ZNF704: variants seen among roughly 807,000 people sequenced by gnomAD.
ZNF704 encodes glucocorticoid induced gene 1.
A neutral mutation model predicts 44.7 loss-of-function variants in ZNF704; 10 were observed. The ratio of observed to expected loss-of-function variants is 0.22; its 90% CI spans 0.14 to 0.38. The LOEUF is 0.38. Among genes scored for constraint, ZNF704 ranks in the 10% least tolerant of loss-of-function variants. The probability of loss-of-function intolerance (pLI) is 1.00; values close to 1 mark genes in which losing one functional copy is unlikely to be tolerated. For synonymous variants in ZNF704, 211 were observed against 207.6 expected, an observed-to-expected ratio of 1.02 and a Z score of -0.14; for missense variants, 390 against 545.5, an observed-to-expected ratio of 0.71 and a Z score of 2.84.
chr8:80,827,681 G>A (rs761687098), intron 1 of ZNF704, among the ~76,000 whole-genome samples: 1 of 152,154 alleles, frequency 6.6e-6, no homozygotes, highest in Admixed American at 6.5e-5. Flanking sequence ...ATACTACAAG[G>A]CTACAGTAAC....
At chr8:80,715,762 T>C (rs1353358976) in intron 2 of ZNF704, among the ~76,000 whole-genome samples, 1 of 152,122 alleles carries the variant, frequency 6.6e-6, no homozygotes, top group Non-Finnish European at 1.5e-5. Context: ...TCCAGGAGAC[T>C]CTAATACAAA....
chr8:80,825,602 C>G (rs958548162), intron 1 of ZNF704, among the ~76,000 whole-genome samples: 2 of 152,172 alleles, frequency 1.3e-5, no homozygotes, highest in Non-Finnish European at 2.9e-5. Context: ...GAACTCTCCA[C>G]CCCAAATCAA....
At chr8:80,749,736 G>T (rs1277179619) in intron 2 of ZNF704, 2 of 152,744 alleles carry the variant, frequency 1.3e-5, no homozygotes, top group Non-Finnish European at 2.9e-5. Context: ...AAAACCCAGG[G>T]CTTGGCCCAT....
chr8:80,828,657 A>G (rs1808419621), intron 1 of ZNF704, among the ~76,000 whole-genome samples: 1 of 152,232 alleles, frequency 6.6e-6, no homozygotes, highest in African/African-American at 2.4e-5. Context: ...CTTTAATCAA[A>G]TAGATTTAGA....
Position 80,641,327 on chromosome 8 carries a change from AGCG to A in ZNF704, c.*36_*38del. On this transcript the variant is annotated 3_prime_UTR_variant, in exon 9 of 9. Transcript: ENST00000327835. ...ACCTGCAGTGGCAGGCCAGGGCAGG[AGCG>A]GCTCAGGGCCCTGAGCCCCTCTGCC... is the stretch of plus-strand genomic sequence containing the variant. The A allele has an allele frequency of 1.5e-6, 2 of 1,371,448 alleles. No individual in the cohort carries two copies. The highest frequency in any genetic ancestry group is 2.0e-6 in the Non-Finnish European group (2 of 1,005,072). 85.0% of individuals were successfully genotyped at this position (1,371,448 alleles called of 1,614,324 possible).
intron 2 of ZNF704, 78 bp downstream of exon 2, chr8:80,821,295 TC>T: frequency 7.2e-7 from 1 of 1,395,552 alleles, no homozygotes; most frequent in Non-Finnish European, 1.0e-6. Flanking sequence ...CTGAAGAGAG[TC>T]TGTACACTGG....
At chr8:80,784,922 A>C (rs893907854) in intron 2 of ZNF704, among the ~76,000 whole-genome samples, 2 of 152,080 alleles carry the variant, frequency 1.3e-5, no homozygotes, top group Admixed American at 6.5e-5. Context: ...GATAGTGTGG[A>C]GTTCCCATAC....
chr8:80,780,416 G>A (rs562743370), intron 2 of ZNF704, among the ~76,000 whole-genome samples: 10 of 152,276 alleles, frequency 6.6e-5, no homozygotes, highest in African/African-American at 2.4e-4. Context: ...GGCTGTTGGG[G>A]GAAGAGGAGA....
chr8:80,699,701 A>G (rs1239023125), intron 2 of ZNF704, among the ~76,000 whole-genome samples: 5 of 152,186 alleles, frequency 3.3e-5, no homozygotes, highest in African/African-American at 9.7e-5. Context: ...GCACTGGCCC[A>G]TGGTCCACAC....
chr8:80,727,762 A>G (rs547835795), intron 2 of ZNF704, among the ~76,000 whole-genome samples: 1 of 152,276 alleles, frequency 6.6e-6, no homozygotes, highest in South Asian at 2.1e-4. Flanking sequence ...AGCCCACTGC[A>G]GCAGGAGAGC....
chr8:80,827,511 G>C (rs1356776338), intron 1 of ZNF704, among the ~76,000 whole-genome samples: 1 of 152,142 alleles, frequency 6.6e-6, no homozygotes, highest in African/African-American at 2.4e-5. Context: ...GTAATTTATA[G>C]ATTCAATGCC....
At chr8:80,738,459 G>A (rs976263724) in intron 2 of ZNF704, among the ~76,000 whole-genome samples, 1 of 151,940 alleles carries the variant, frequency 6.6e-6, no homozygotes, top group Non-Finnish European at 1.5e-5. Flanking sequence ...AAGGACTATC[G>A]TTGTTCCTAC....
chr8:80,842,006 A>G (rs1312710129), intron 1 of ZNF704, among the ~76,000 whole-genome samples: 1 of 152,106 alleles, frequency 6.6e-6, no homozygotes, highest in Non-Finnish European at 1.5e-5. Context: ...TTTGTCGCCC[A>G]GGTTGGTCTT....
Position 80,874,592 on chromosome 8 carries a change from C to T in ZNF704, c.-43G>A, listed in dbSNP as rs1809332142. 1 of 151,998 alleles carries T rather than the reference C, an allele frequency of 6.6e-6. No homozygotes were observed. Among genetic ancestry groups the T allele is most frequent in the South Asian group, 2.1e-4 (1 of 4,814 alleles). 9.4% of individuals were successfully genotyped at this position (151,998 alleles called of 1,614,324 possible). ...TTACCCACAGTCTCCGAAAGTCTGG[C>T]GCTTCGAAGCAGTTGGCCCTGACAC... On this transcript the variant is annotated 5_prime_UTR_variant, in exon 1 of 9. Transcript: ENST00000327835. This position sits in a 1 kb window ranked among gnomAD's most constrained non-coding sequence, Gnocchi z 4.4.
At chr8:80,649,647 G>T (rs1477961326) in intron 7 of ZNF704, among the ~76,000 whole-genome samples, 1 of 152,230 alleles carries the variant, frequency 6.6e-6, no homozygotes. Context: ...GGCTTGAGTA[G>T]GTAAACAAAG....
At chr8:80,687,043 T>C (rs2131631220) in intron 4 of ZNF704, among the ~76,000 whole-genome samples, 183 bp downstream of exon 4, 1 of 152,316 alleles carries the variant, frequency 6.6e-6, no homozygotes, top group South Asian at 2.1e-4. Context: ...GTATTTGTCA[T>C]TTTTAAATTA....
chr8:80,758,359 C>A (rs969934594), intron 2 of ZNF704, among the ~76,000 whole-genome samples: 5 of 152,036 alleles, frequency 3.3e-5, no homozygotes, highest in Admixed American at 3.3e-4. Context: ...GCACACTTTC[C>A]ACAAAAAGGC....
At chr8:80,736,649 G>A (rs1384647347) in intron 2 of ZNF704, among the ~76,000 whole-genome samples, 6 of 152,172 alleles carry the variant, frequency 3.9e-5, no homozygotes, top group Non-Finnish European at 7.3e-5. Context: ...TGGCTATGGG[G>A]ATGCAAAGGC....
chr8:80,767,248 T>G (rs1476341962), intron 2 of ZNF704, among the ~76,000 whole-genome samples: 3 of 152,164 alleles, frequency 2.0e-5, no homozygotes, highest in Non-Finnish European at 4.4e-5. Context: ...GTAATTAACT[T>G]GGTTAATTAA....
Sources: allele counts gnomAD v4.1 joint callset (sites outside exome capture counted in the v4.1 genomes callset), GRCh38; gene constraint gnomAD v4.1.1; non-coding constraint Gnocchi (gnomAD v3.1); transcripts MANE v1.5; gene names NCBI Gene and HGNC (gene_info 2026-07-23, HGNC 2026-07-21).